EIF2A: variants seen among roughly 807,000 people sequenced by gnomAD.
The protein encoded by EIF2A is 65 kDa eukaryotic translation initiation factor 2A.
In EIF2A, 62 loss-of-function variants were observed where a neutral mutation model predicts 75.2. The observed-to-expected ratio is 0.82, with a 90% CI of 0.67 to 1.02. The LOEUF (loss-of-function observed/expected upper bound fraction) is 1.02, where lower values mean the gene tolerates loss of function less well. Ranked by LOEUF, EIF2A falls within the 50% of genes least tolerant of loss-of-function variation. The pLI, the probability that EIF2A is intolerant of heterozygous loss-of-function variation, is 0.00. For missense variants in EIF2A, 611 were observed against 677.7 expected, an observed-to-expected ratio of 0.90 and a Z score of 1.09; for synonymous variants, 207 against 239.0, an observed-to-expected ratio of 0.87 and a Z score of 1.23.
intron 11 of EIF2A, among the ~76,000 whole-genome samples, chr3:150,577,018 A>T (rs1320787934): frequency 1.3e-5 from 2 of 152,140 alleles, no homozygotes; most frequent in African/African-American, 4.8e-5. Context: ...GCTACCTTAT[A>T]CTAGGTAATT....
At position 150,583,997 on chromosome 3, in the gene EIF2A, T is replaced by C. The variant is rs1725336242; in HGVS notation, c.*86T>C. The C allele has an allele frequency of 8.1e-7, 1 of 1,236,548 alleles. No individual in the cohort carries two copies. Among genetic ancestry groups the C allele is most frequent in the Non-Finnish European group, 1.2e-6 (1 of 868,828 alleles). 76.6% of individuals were successfully genotyped at this position (1,236,548 alleles called of 1,614,324 possible). Reference sequence around the variant, plus strand: ...CATTGGTATACACAGAATATTCCTGTGCCCACACTTAATGTCAATCTATAA... The same window carrying C: ...CATTGGTATACACAGAATATTCCTGCGCCCACACTTAATGTCAATCTATAA... On this transcript the variant is annotated 3_prime_UTR_variant, in exon 14 of 14. Coordinates refer to ENST00000460851, the MANE Select transcript of EIF2A (RefSeq NM_032025.5).
At position 150,584,449 on chromosome 3, in the gene EIF2A, G is replaced by T. The variant is rs1178712823; in HGVS notation, c.*538G>T. On this transcript the variant is annotated 3_prime_UTR_variant, in exon 14 of 14. Coordinates refer to ENST00000460851, the MANE Select transcript of EIF2A (RefSeq NM_032025.5). Reference sequence around the variant, plus strand: ...ATCTAATCCCAGAGCCTATGCTTTAGGTCACTATGATATATACTACTCCTG... The same window carrying T: ...ATCTAATCCCAGAGCCTATGCTTTATGTCACTATGATATATACTACTCCTG... 6.6e-6 allele frequency among the ~76,000 whole-genome samples: 1 copy of T among 152,128 alleles called. No individual in the cohort carries two copies. Among genetic ancestry groups the T allele is most frequent in the East Asian group, 1.9e-4 (1 of 5,188 alleles).
intron 4 of EIF2A, 59 bp from the exon 5 acceptor site, chr3:150,563,456 A>T (rs1365706068): frequency 1.2e-5 from 16 of 1,363,986 alleles, no homozygotes; most frequent in Non-Finnish European, 1.6e-5. Context: ...TAAATAAGAA[A>T]AATAATCCCT....
chr3:150,578,390 TTA>T (rs1465950639), intron 11 of EIF2A, among the ~76,000 whole-genome samples: 3 of 149,192 alleles, frequency 2.0e-5, no homozygotes, highest in Non-Finnish European at 4.4e-5. Flanking sequence ...ATAATATAAA[TTA>T]TGTGATAATT....
In EIF2A at chr3:150,563,530, C is replaced by T. The variant is rs1466788077; in HGVS notation, c.308C>T (p.Thr103Ile). ...WQPYTTSKDG[T>I]AGIPNLQLYD... ...TTTATTGCAGCTTCTAAAGATGGCACAGCTGGGATACCCAACCTACAACTT... is the reference window on the plus strand; with the variant it reads ...TTTATTGCAGCTTCTAAAGATGGCATAGCTGGGATACCCAACCTACAACTT... The change falls in exon 5 of 14, where the codon ACA (threonine) becomes ATA (isoleucine). Residue 103 changes from threonine (T) to isoleucine (I), a missense_variant. Thr to Ile is a moderately conservative substitution (Grantham distance 89). Coordinates refer to ENST00000460851, the MANE Select transcript of EIF2A (RefSeq NM_032025.5). The T allele has an allele frequency of 1.3e-6, 2 of 1,547,594 alleles. No individual in the cohort carries two copies. The highest frequency in any genetic ancestry group is 2.0e-5 in the Admixed American group (1 of 49,850).
Position 150,568,021 on chromosome 3 carries a change from AG to A in EIF2A, c.670del (p.Val224LeufsTer14). On this transcript the variant is annotated frameshift_variant, in exon 8 of 14. Coordinates refer to ENST00000460851, the MANE Select transcript of EIF2A (RefSeq NM_032025.5). LOFTEE classifies it high-confidence loss of function. ...ANKSFFKADK[V>X]TMLWNKKATA... ...ATAAAAGTTTCTTTAAGGCAGATAAAGTTACAATGCTGTGGAATAAAAAAGG... is the reference window on the plus strand; with the variant it reads ...ATAAAAGTTTCTTTAAGGCAGATAAATTACAATGCTGTGGAATAAAAAAGG... The A allele has an allele frequency of 6.2e-7, 1 of 1,610,930 alleles. No individual in the cohort carries two copies. The highest frequency in any genetic ancestry group is 8.5e-7 in the Non-Finnish European group (1 of 1,179,120).
At chr3:150,579,243 T>C (rs1006883056) in intron 11 of EIF2A, among the ~76,000 whole-genome samples, 3 of 152,192 alleles carry the variant, frequency 2.0e-5, no homozygotes, top group Non-Finnish European at 4.4e-5. Context: ...TCTACTTTAA[T>C]TTTATATTGT....
intron 9 of EIF2A, 141 bp downstream of exon 9, chr3:150,568,433 A>G (rs1724313886): frequency 1.6e-6 from 1 of 640,942 alleles, no homozygotes; most frequent in South Asian, 3.0e-5. Context: ...ATTTTTCTTA[A>G]TTAAGAAACT....
intron 12 of EIF2A, 25 bp from the exon 13 acceptor site, chr3:150,583,175 C>T (rs1008923989): frequency 1.2e-5 from 20 of 1,605,052 alleles, no homozygotes; most frequent in Admixed American, 8.6e-5. Flanking sequence ...CTTCCATGCT[C>T]TTGACTCATA....
At chr3:150,548,409 C>T (rs531982271) in intron 1 of EIF2A, among the ~76,000 whole-genome samples, 1 of 152,292 alleles carries the variant, frequency 6.6e-6, no homozygotes, top group East Asian at 1.9e-4. Flanking sequence ...ATTCACTTGC[C>T]TTTCTCCCCT....
intron 10 of EIF2A, 66 bp from the exon 11 acceptor site, chr3:150,575,583 A>G (rs1339507460): frequency 8.6e-7 from 1 of 1,160,550 alleles, no homozygotes; most frequent in African/African-American, 1.6e-5. Flanking sequence ...GCAGAAGTGT[A>G]TAATTTGTTG....
chr3:150,561,000 G>T (rs73001336), intron 3 of EIF2A, among the ~76,000 whole-genome samples: 2,204 of 152,068 alleles, frequency 0.014, 40 homozygotes, highest in African/African-American at 0.05. Flanking sequence ...TACAATTATT[G>T]TCATTTTTGT....
chr3:150,575,303 A>G (rs1724793755), intron 10 of EIF2A, among the ~76,000 whole-genome samples: 1 of 152,244 alleles, frequency 6.6e-6, no homozygotes, highest in South Asian at 2.1e-4. Context: ...TCTGTTGACA[A>G]TAGTTAGAAC....
At chr3:150,558,500 G>T (rs191019624) in intron 3 of EIF2A, 38 bp downstream of exon 3, 2 of 1,416,328 alleles carry the variant, frequency 1.4e-6, no homozygotes, top group East Asian at 2.9e-5. Flanking sequence ...TGTGTGTCAC[G>T]AATATAAACA....
intron 11 of EIF2A, 52 bp from the exon 12 acceptor site, chr3:150,581,566 A>G: frequency 6.5e-7 from 1 of 1,536,934 alleles, no homozygotes; most frequent in Non-Finnish European, 8.8e-7. Context: ...TGATTTAAAT[A>G]CTGTAATGTT....
chr3:150,561,294 C>T (rs140853518), intron 3 of EIF2A, among the ~76,000 whole-genome samples: 18 of 151,942 alleles, frequency 1.2e-4, no homozygotes, highest in South Asian at 4.2e-4. Flanking sequence ...TATACTTTTG[C>T]GGGCCGGACA....
chr3:150,551,809 A>G (rs1723331840), intron 1 of EIF2A, among the ~76,000 whole-genome samples: 1 of 152,200 alleles, frequency 6.6e-6, no homozygotes, highest in South Asian at 2.1e-4. Flanking sequence ...CTTTGTTTCC[A>G]CTTAATTTTT....
At chr3:150,562,812 T>C (rs1216427563) in intron 4 of EIF2A, 152 bp downstream of exon 4, 1 of 565,304 alleles carries the variant, frequency 1.8e-6, no homozygotes, top group East Asian at 3.2e-5. Context: ...ACAGTGAATC[T>C]TGTACTCTCC....
intron 6 of EIF2A, chr3:150,565,095 G>A: frequency 2.3e-6 from 1 of 438,274 alleles, no homozygotes; most frequent in South Asian, 1.6e-5. Context: ...TAAGAAACAA[G>A]GTTATTTGTC....
Sources: allele counts gnomAD v4.1 joint callset (sites outside exome capture counted in the v4.1 genomes callset), GRCh38; gene constraint gnomAD v4.1.1; transcripts MANE v1.5; gene names NCBI Gene and HGNC (gene_info 2026-07-23, HGNC 2026-07-21).